Variants in KCNT2 observed in about 807,000 individuals in gnomAD.
The protein encoded by KCNT2 is potassium channel subfamily T member 2.
KCNT2 carries 67 observed loss-of-function variants against 153.8 expected under a neutral mutation model. The ratio of observed to expected loss-of-function variants is 0.44; its 90% CI spans 0.36 to 0.53. The LOEUF is 0.53. KCNT2 is among the 20% of genes least tolerant of loss of function. KCNT2 has a pLI of 0.00. For synonymous variants in KCNT2, 500 were observed against 458.8 expected, an observed-to-expected ratio of 1.09 and a Z score of -1.15; for missense variants, 975 against 1,354.8, an observed-to-expected ratio of 0.72 and a Z score of 4.40.
At chr1:196,467,670 A>T (rs1364402319) in intron 7 of KCNT2, 33 bp downstream of exon 7, 1 of 1,336,508 alleles carries the variant, frequency 7.5e-7, no homozygotes, top group Non-Finnish European at 1.1e-6. Flanking sequence ...GTTTAAAAAT[A>T]TTTTCATATT....
At chr1:196,421,733 C>T (rs1673221428) in intron 12 of KCNT2, among the ~76,000 whole-genome samples, 1 of 152,062 alleles carries the variant, frequency 6.6e-6, no homozygotes, top group Admixed American at 6.6e-5. Flanking sequence ...GTACCACAAC[C>T]TGAATGGCTT....
rs16839989 is a variant in KCNT2 at position 196,483,038 on chromosome 1, A to G, written c.276-659T>C. Among the ~76,000 whole-genome samples the G allele has an allele frequency of 3.8e-3, 577 of 152,290 alleles. 16 individuals are homozygous for G. The highest frequency in any genetic ancestry group is 0.034 in the East Asian group (175 of 5,182). ...TAACCTAGCTGTGTCTACATCATTT[A>G]GTACACAGTTGATTCCAATGGGAGT... On this transcript the variant is annotated intron_variant, in intron 3 of 27. Coordinates refer to ENST00000294725, the MANE Select transcript of KCNT2 (RefSeq NM_198503.5).
At chr1:196,549,470 C>T (rs995791567) in intron 1 of KCNT2, among the ~76,000 whole-genome samples, 1 of 151,858 alleles carries the variant, frequency 6.6e-6, no homozygotes, top group Admixed American at 6.6e-5. Context: ...ATGTGACACT[C>T]ATAGTTTCAC....
At chr1:196,278,969 A>C (rs1007885579) in intron 25 of KCNT2, among the ~76,000 whole-genome samples, 4 of 152,140 alleles carry the variant, frequency 2.6e-5, no homozygotes, top group African/African-American at 7.2e-5. Context: ...TTCCCTTTCC[A>C]CCAGATGAGA....
At chr1:196,289,218 G>T (rs1302875820) in intron 22 of KCNT2, among the ~76,000 whole-genome samples, 2 of 151,960 alleles carry the variant, frequency 1.3e-5, no homozygotes. Context: ...TATCATTGCA[G>T]CTAAAATATT....
At chr1:196,593,395 T>C (rs1353048708) in intron 1 of KCNT2, among the ~76,000 whole-genome samples, 1 of 151,268 alleles carries the variant, frequency 6.6e-6, no homozygotes, top group Non-Finnish European at 1.5e-5. Context: ...CACTCATTGA[T>C]TGAAGGGCAT....
chr1:196,248,775 G>A (rs1655675131), intron 26 of KCNT2, among the ~76,000 whole-genome samples: 1 of 152,120 alleles, frequency 6.6e-6, no homozygotes, highest in South Asian at 2.1e-4. Flanking sequence ...AGAAGAGGAA[G>A]GAATACTTCC....
chr1:196,348,318 ATAT>A (rs950625460), intron 14 of KCNT2, among the ~76,000 whole-genome samples: 5 of 152,152 alleles, frequency 3.3e-5, no homozygotes, highest in African/African-American at 7.2e-5. Flanking sequence ...AACATAAGAA[ATAT>A]TATGGACAAA....
Position 196,258,216 on chromosome 1 carries a change from C to G in KCNT2, c.3189G>C (p.Leu1063Phe). 1.2e-6 allele frequency: 2 copies of G among 1,613,764 alleles called. No individual in the cohort carries two copies. The highest frequency in any genetic ancestry group is 1.7e-6 in the Non-Finnish European group (2 of 1,179,750). Residue 1063 changes from leucine (L) to phenylalanine (F), a missense_variant, in exon 26 of 28, where the codon TTG becomes TTC. This residue lies in a region of KCNT2 where 241 missense variants were observed against 271.1 expected (regional missense o/e 0.89). Coordinates refer to ENST00000294725, the MANE Select transcript of KCNT2 (RefSeq NM_198503.5). Reference sequence around the variant, plus strand: ...TACCATATCCCACTGTAGAAAGACCCAAGTGTTTCATTCTATTTTTCACAA... The same window carrying G: ...TACCATATCCCACTGTAGAAAGACCGAAGTGTTTCATTCTATTTTTCACAA... The part of the protein sequence containing the change: ...AELVKNRMKH[L>F]GLSTVGYDEM...
chr1:196,282,387 A>C, intron 23 of KCNT2, 31 bp from the exon 24 acceptor site: 3 of 1,060,106 alleles, frequency 2.8e-6, no homozygotes, highest in Non-Finnish European at 4.4e-6. Flanking sequence ...CAATATATAA[A>C]TGTATATTTA....
chr1:196,365,308 A>T (rs1667946483), intron 14 of KCNT2, among the ~76,000 whole-genome samples: 5 of 144,678 alleles, frequency 3.5e-5, no homozygotes, highest in Admixed American at 3.4e-4. Flanking sequence ...TCAATTCTTT[A>T]TATTGTTCAT....
chr1:196,360,232 T>C (rs11801881), intron 14 of KCNT2, among the ~76,000 whole-genome samples: 39,849 of 151,938 alleles, frequency 0.26, 7,290 homozygotes, highest in African/African-American at 0.52. Context: ...TATTATTTTC[T>C]TTTCCTGTGA....
chr1:196,426,904 C>G (rs137967005), intron 10 of KCNT2, among the ~76,000 whole-genome samples: 1 of 151,936 alleles, frequency 6.6e-6, no homozygotes, highest in Non-Finnish European at 1.5e-5. Context: ...GAAGACACAC[C>G]TGCTTCCCTT....
intron 1 of KCNT2, among the ~76,000 whole-genome samples, chr1:196,608,002 A>C (rs547902529): frequency 2.6e-4 from 39 of 152,224 alleles, no homozygotes; most frequent in Non-Finnish European, 5.4e-4. Context: ...AAGAATAAGA[A>C]AAGTGTAAAG....
chr1:196,299,205 T>C (rs1660953045), intron 22 of KCNT2, among the ~76,000 whole-genome samples: 1 of 152,116 alleles, frequency 6.6e-6, no homozygotes, highest in Non-Finnish European at 1.5e-5. Flanking sequence ...TTTTCCTCCT[T>C]GCCTTCTCCA....
chr1:196,446,984 C>T (rs1367160084), intron 8 of KCNT2, among the ~76,000 whole-genome samples: 1 of 151,422 alleles, frequency 6.6e-6, no homozygotes. Context: ...TTGCAAGGTT[C>T]AAAACATGGC....
intron 22 of KCNT2, among the ~76,000 whole-genome samples, chr1:196,301,695 A>G (rs558171764): frequency 1.3e-5 from 2 of 152,298 alleles, no homozygotes; most frequent in South Asian, 4.1e-4. Context: ...GCAAAATAAA[A>G]GTGTGAAAGT....
Position 196,519,165 on chromosome 1 carries a change from T to C in KCNT2, c.96-26824A>G, listed in dbSNP as rs563354524. Among the ~76,000 whole-genome samples, 6 of 152,204 alleles carry C rather than the reference T, an allele frequency of 3.9e-5. No individual in the cohort carries two copies. The South Asian group carries it at 1.2e-3, about 32-fold the overall frequency. On this transcript the variant is annotated intron_variant, in intron 1 of 27. Coordinates refer to ENST00000294725, the MANE Select transcript of KCNT2 (RefSeq NM_198503.5). ...AATCACTCAAAGCCATGCAATTACA[T>C]GGAAATTAAATAACCTGCTCCTCAA... is the stretch of plus-strand genomic sequence containing the variant.
At chr1:196,606,141 T>C (rs901331795) in intron 1 of KCNT2, among the ~76,000 whole-genome samples, 19 of 152,198 alleles carry the variant, frequency 1.2e-4, no homozygotes, top group African/African-American at 4.6e-4. Flanking sequence ...AAATGTTAGT[T>C]CTGCGCCTCT....
Sources: allele counts gnomAD v4.1 joint callset (sites outside exome capture counted in the v4.1 genomes callset), GRCh38; gene constraint gnomAD v4.1.1; regional missense constraint gnomAD v4.1.1; transcripts MANE v1.5; gene names NCBI Gene and HGNC (gene_info 2026-07-23, HGNC 2026-07-21).